The following KRABD2 variants were observed in gnomAD, a reference collection of about 807,000 sequenced individuals.
The protein encoded by KRABD2 is KRAB domain containing 2.
chr17:8,364,982 C>T, the KRABD2 span, among the ~76,000 whole-genome samples: 5 of 151,604 alleles, frequency 3.3e-5, no homozygotes, highest in East Asian at 7.8e-4. This position sits in a 1 kb window ranked among gnomAD's most constrained non-coding sequence, Gnocchi z 4.4. Context: ...TGTAGTGGGC[C>T]GAGATCACGC....
At chr17:8,366,947 C>A in the KRABD2 span, among the ~76,000 whole-genome samples, 1 of 151,896 alleles carries the variant, frequency 6.6e-6, no homozygotes, top group Non-Finnish European at 1.5e-5. Flanking sequence ...GTCTCGAACC[C>A]CTGACCTCAA....
chr17:8,369,965 C>T, the KRABD2 span: 1 of 1,614,228 alleles, frequency 6.2e-7, no homozygotes, highest in East Asian at 2.2e-5. Context: ...ATTTTCCTTG[C>T]AGCTCCTTGA....
chr17:8,371,162 T>C, the KRABD2 span: 4 of 651,480 alleles, frequency 6.1e-6, no homozygotes, highest in South Asian at 2.2e-5. Context: ...AAAGCGAGAC[T>C]GTTTCAAAAA....
the KRABD2 span, chr17:8,359,973 T>C: frequency 2.6e-6 from 1 of 387,744 alleles, no homozygotes; most frequent in South Asian, 1.9e-5. Flanking sequence ...ATCTGGCCAC[T>C]GAATGACTCA....
the KRABD2 span, chr17:8,369,497 T>C: frequency 1.2e-6 from 2 of 1,613,908 alleles, no homozygotes; most frequent in Admixed American, 1.7e-5. Flanking sequence ...TCCAGGTACT[T>C]ATCATGTTCT....
the KRABD2 span, chr17:8,369,699 ACCT>A: frequency 6.2e-7 from 1 of 1,614,222 alleles, no homozygotes; most frequent in South Asian, 1.1e-5. Context: ...GACACTGACC[ACCT>A]CATGGGCCTG....
the KRABD2 span, among the ~76,000 whole-genome samples, chr17:8,362,136 G>A: frequency 2.6e-5 from 4 of 152,002 alleles, no homozygotes; most frequent in Admixed American, 6.6e-5. The surrounding 1 kb of genome is among the most constrained non-coding windows in gnomAD (Gnocchi z 4.2). Flanking sequence ...AAGACCGACC[G>A]TCCTGGCTAA....
the KRABD2 span, chr17:8,369,794 A>C: frequency 1.1e-4 from 184 of 1,614,206 alleles, 1 homozygote; most frequent in African/African-American, 1.5e-3. Context: ...CACCATCGGC[A>C]CTGGACTGCA....
chr17:8,374,208 A>G, the KRABD2 span, among the ~76,000 whole-genome samples: 1 of 142,768 alleles, frequency 7.0e-6, no homozygotes, highest in Admixed American at 6.8e-5. Context: ...GGGAAAAGAA[A>G]GAGAAATCAG....
chr17:8,370,320 G>T, the KRABD2 span: 3 of 1,610,314 alleles, frequency 1.9e-6, no homozygotes, highest in Non-Finnish European at 2.5e-6. Context: ...CATTTCACTT[G>T]CATTTGAAAC....
the KRABD2 span, among the ~76,000 whole-genome samples, chr17:8,374,937 C>CAAAAAAAAAAAAAAAAAA: frequency 1.4e-3 from 65 of 46,178 alleles, 9 homozygotes; most frequent in African/African-American, 2.7e-3. Context: ...GACTCTGTCA[C>CAAAAAAAAAAAAAAAAAA]AAAAAAAAAA....
the KRABD2 span, among the ~76,000 whole-genome samples, chr17:8,374,937 C>CAAAAAAAAAAAAAAAAAAAAAAAAAAAAA: frequency 1.3e-4 from 6 of 46,180 alleles, no homozygotes; most frequent in Non-Finnish European, 1.7e-4. Context: ...GACTCTGTCA[C>CAAAAAAAAAAAAAAAAAAAAAAAAAAAAA]AAAAAAAAAA....
the KRABD2 span, chr17:8,370,445 T>C: frequency 9.8e-6 from 11 of 1,118,192 alleles, no homozygotes; most frequent in Non-Finnish European, 1.4e-5. Flanking sequence ...CCTGGAAGAC[T>C]TTCCCTCTAA....
At chr17:8,368,408 C>T in the KRABD2 span, among the ~76,000 whole-genome samples, 1 of 152,182 alleles carries the variant, frequency 6.6e-6, no homozygotes, top group Non-Finnish European at 1.5e-5. Flanking sequence ...TTATGGCCTT[C>T]TCAGGGGAGA....
chr17:8,370,442 G>T, the KRABD2 span: 1 of 1,142,060 alleles, frequency 8.8e-7, no homozygotes, highest in Non-Finnish European at 1.2e-6. Context: ...CCACCTGGAA[G>T]ACTTTCCCTC....
chr17:8,376,215 T>A, the KRABD2 span: 1 of 1,231,292 alleles, frequency 8.1e-7, no homozygotes, highest in Non-Finnish European at 1.0e-6. Flanking sequence ...AAAATGTCGC[T>A]TACAGGTAGG....
the KRABD2 span, chr17:8,360,006 T>C: frequency 2.7e-6 from 1 of 370,708 alleles, no homozygotes; most frequent in African/African-American, 2.1e-5. Context: ...GTGAGCCATC[T>C]GTGTGAATCC....
the KRABD2 span, among the ~76,000 whole-genome samples, chr17:8,361,625 G>A: frequency 6.6e-6 from 1 of 152,154 alleles, no homozygotes; most frequent in Admixed American, 6.6e-5. Context: ...TGGTGCAATC[G>A]TAGCTCACTG....
the KRABD2 span, chr17:8,369,743 C>G: frequency 9.6e-4 from 1,542 of 1,614,104 alleles, 1 homozygote; most frequent in Non-Finnish European, 1.2e-3. Context: ...AAATAATAAA[C>G]TTGGTTGAGT....
Sources: gnomAD v4.1 joint callset for allele counts (sites outside exome capture counted in the v4.1 genomes callset) on GRCh38, gnomAD v4.1.1 for gene constraint, Gnocchi (gnomAD v3.1) non-coding constraint, MANE v1.5 for transcripts, NCBI Gene and HGNC (gene_info 2026-07-23, HGNC 2026-07-21) for gene names.